Variants in ADCYAP1R1 observed in about 807,000 individuals in gnomAD.
The protein encoded by ADCYAP1R1 is ADCYAP receptor type I.
In ADCYAP1R1, 44 loss-of-function variants were observed where a neutral mutation model predicts 67.6. The ratio of observed to expected loss-of-function variants is 0.65; its 90% CI spans 0.51 to 0.84. The LOEUF is 0.84. Among genes scored for constraint, ADCYAP1R1 ranks in the 40% least tolerant of loss-of-function variants. The pLI, the probability that ADCYAP1R1 is intolerant of heterozygous loss-of-function variation, is 0.00. For synonymous variants in ADCYAP1R1, 222 were observed against 219.6 expected, an observed-to-expected ratio of 1.01 and a Z score of -0.10; for missense variants, 477 against 587.9, an observed-to-expected ratio of 0.81 and a Z score of 1.95.
intron 13 of ADCYAP1R1, among the ~76,000 whole-genome samples, chr7:31,096,823 A>G (rs1796214583): frequency 7.9e-6 from 1 of 126,674 alleles, no homozygotes; most frequent in Admixed American, 8.4e-5. Flanking sequence ...GAGTGTGTTC[A>G]GCTCAGTCCA....
chr7:31,093,139 C>T (rs1796036682), intron 13 of ADCYAP1R1, among the ~76,000 whole-genome samples: 1 of 152,164 alleles, frequency 6.6e-6, no homozygotes, highest in Non-Finnish European at 1.5e-5. Context: ...ATTCCGACCC[C>T]CAGCCCAGAC....
At chr7:31,077,580 GTA>G (rs755362562) in intron 3 of ADCYAP1R1, among the ~76,000 whole-genome samples, 3 of 146,940 alleles carry the variant, frequency 2.0e-5, no homozygotes, top group African/African-American at 7.6e-5. Context: ...TGTGTGTGTT[GTA>G]TGTGTGTGTG....
In ADCYAP1R1 at chr7:31,084,214, T is replaced by C. The variant is rs757652084; in HGVS notation, c.402T>C (p.Cys134=). The C allele has an allele frequency of 6.2e-7, 1 of 1,614,012 alleles. No individual in the cohort carries two copies. The highest frequency in any genetic ancestry group is 8.5e-7 in the Non-Finnish European group (1 of 1,180,000). The change falls in exon 7 of 16, where the codon TGT becomes TGC. Residue 134 remains cysteine, a synonymous_variant. Coordinates refer to ENST00000304166, the MANE Select transcript of ADCYAP1R1 (RefSeq NM_001118.5). The part of the protein sequence containing the change: ...SEPFPHYFDA[C]GFDEYESETG... ...CCTTCCCTCATTACTTTGATGCCTG[T>C]GGGTTTGATGAATATGAATCTGAGA...
chr7:31,057,078 C>G (rs1000616926), intron 1 of ADCYAP1R1: 1 of 152,294 alleles, frequency 6.6e-6, no homozygotes, highest in East Asian at 1.9e-4. Context: ...CAGAGCTACT[C>G]CTCTCCACAC....
At chr7:31,059,827 C>T (rs866899190) in intron 1 of ADCYAP1R1, among the ~76,000 whole-genome samples, 1 of 151,444 alleles carries the variant, frequency 6.6e-6, no homozygotes, top group African/African-American at 2.4e-5. Flanking sequence ...GGAGAGGCTG[C>T]GGGAGGTGAT....
At chr7:31,090,409 T>A (rs1795918343) in intron 12 of ADCYAP1R1, among the ~76,000 whole-genome samples, 1 of 152,240 alleles carries the variant, frequency 6.6e-6, no homozygotes, top group Non-Finnish European at 1.5e-5. Flanking sequence ...TTTCCTTTTT[T>A]TAAAAATAAT....
At chr7:31,084,284 G>A (rs1243399000) in intron 7 of ADCYAP1R1, 34 bp downstream of exon 7, 1 of 1,590,438 alleles carries the variant, frequency 6.3e-7, no homozygotes, top group South Asian at 1.1e-5. Context: ...CAGAGGTGGT[G>A]AGGGTAGGGC....
intron 13 of ADCYAP1R1, chr7:31,095,539 G>A: frequency 1.4e-6 from 1 of 697,088 alleles, no homozygotes; most frequent in East Asian, 2.7e-5. Flanking sequence ...AGAGGGCAGT[G>A]AATGGGGGGA....
intron 13 of ADCYAP1R1, chr7:31,100,116 G>A: frequency 6.5e-7 from 1 of 1,550,370 alleles, no homozygotes; most frequent in African/African-American, 1.4e-5. Context: ...TGCTAATCTT[G>A]TCACACCCAG....
intron 13 of ADCYAP1R1, among the ~76,000 whole-genome samples, chr7:31,096,952 C>T (rs1267590726): frequency 1.3e-5 from 2 of 152,240 alleles, no homozygotes; most frequent in African/African-American, 4.8e-5. Context: ...TCTAGCGTTC[C>T]TCTGGGTGTT....
At position 31,103,336 on chromosome 7, in the gene ADCYAP1R1, C is replaced by G; in HGVS notation, c.1146C>G (p.Leu382=). 6.2e-7 allele frequency: 1 copy of G among 1,614,174 alleles called. No homozygotes were observed. The highest frequency in any genetic ancestry group is 2.2e-5 in the East Asian group (1 of 44,880). ...SPENVSKRER[L]VFELGLGSFQ... is the part of the protein sequence containing the mutation. ...AGAATGTCAGCAAAAGGGAAAGACT[C>G]GTGTTTGAGCTGGGGCTGGGCTCCT... Residue 382 remains leucine (L), a synonymous_variant, in exon 14 of 16, where the codon CTC becomes CTG. Transcript: ENST00000304166.
chr7:31,080,874 G>T (rs987940936), intron 5 of ADCYAP1R1, among the ~76,000 whole-genome samples: 2 of 152,234 alleles, frequency 1.3e-5, no homozygotes, highest in African/African-American at 4.8e-5. Context: ...TCACAGGCTT[G>T]TTTGGGAGGA....
chr7:31,087,617 C>T lies in ADCYAP1R1; in HGVS notation c.885-10C>T. On this transcript the variant is annotated splice_polypyrimidine_tract_variant and intron_variant, in intron 11 of 15. Coordinates refer to ENST00000304166, the MANE Select transcript of ADCYAP1R1 (RefSeq NM_001118.5). ...AGACGTGATCTTGCTTCTCTCTGTC[C>T]ATCTTTCAGCTGCTGGGATATGAAT... 1 of 1,613,730 alleles carries T rather than the reference C, an allele frequency of 6.2e-7. No homozygotes were observed. The highest frequency in any genetic ancestry group is 1.3e-5 in the African/African-American group (1 of 75,050).
Position 31,110,337 on chromosome 7 carries a change from C to T in ADCYAP1R1, c.*3653C>T, listed in dbSNP as rs1162045020. On this transcript the variant is annotated 3_prime_UTR_variant, in exon 16 of 16. Transcript: ENST00000304166. ...AGGAGCAAGGACTTGGGCTTCTCCACGCTTTGCTCCTGGCTTGTTTGACCT... is the reference window on the plus strand; with the variant it reads ...AGGAGCAAGGACTTGGGCTTCTCCATGCTTTGCTCCTGGCTTGTTTGACCT... 4 of 152,164 alleles carry T rather than the reference C, an allele frequency of 2.6e-5. No individual in the cohort carries two copies. Among genetic ancestry groups the T allele is most frequent in the African/African-American group, 4.8e-5 (2 of 41,452 alleles). The allele number at this position is 152,164 out of a possible 1,614,324, so 9.4% of individuals were successfully genotyped here. A position where few individuals can be genotyped will look rare whatever the true frequency, so the allele number is the denominator to read the frequency against.
chr7:31,088,756 A>G (rs912408276), intron 12 of ADCYAP1R1, among the ~76,000 whole-genome samples: 3 of 152,144 alleles, frequency 2.0e-5, no homozygotes, highest in African/African-American at 4.8e-5. Context: ...CCATTATGCT[A>G]GTTACTGTAA....
chr7:31,083,077 C>A (rs1795579133), intron 6 of ADCYAP1R1, among the ~76,000 whole-genome samples: 1 of 152,246 alleles, frequency 6.6e-6, no homozygotes, highest in Non-Finnish European at 1.5e-5. Flanking sequence ...AGTATGGGTA[C>A]TGGAGCCCCT....
chr7:31,095,702 G>A (rs1298916301), intron 13 of ADCYAP1R1: 5 of 717,952 alleles, frequency 7.0e-6, no homozygotes, highest in African/African-American at 1.7e-5. Context: ...AAGAAAGCCC[G>A]AGAGGACCCC....
chr7:31,092,137 A>G (rs1037432260), intron 12 of ADCYAP1R1, among the ~76,000 whole-genome samples: 4 of 146,982 alleles, frequency 2.7e-5, no homozygotes, highest in Admixed American at 7.0e-5. Flanking sequence ...CCGTTCACAT[A>G]GCTTCCTACT....
At position 31,106,502 on chromosome 7, in the gene ADCYAP1R1, GC is replaced by G. The variant is rs1562661483; in HGVS notation, c.1226del (p.Ala409GlyfsTer12). On this transcript the variant is annotated frameshift_variant, in exon 16 of 16. Transcript: ENST00000304166. LOFTEE classifies it high-confidence loss of function. ...CCCAGTTTGCTCCCTGCAGGTACAA[GC>G]GGAGATCAAGCGAAAATGGCGAAGC... ...LYCFLNGEVQ[A>X]EIKRKWRSWK... The G allele has an allele frequency of 6.2e-7, 1 of 1,607,026 alleles. No homozygotes were observed. Among genetic ancestry groups the G allele is most frequent in the Admixed American group, 1.7e-5 (1 of 59,644 alleles).
Sources: allele counts gnomAD v4.1 joint callset (sites outside exome capture counted in the v4.1 genomes callset), GRCh38; gene constraint gnomAD v4.1.1; transcripts MANE v1.5; gene names NCBI Gene and HGNC (gene_info 2026-07-23, HGNC 2026-07-21).